IL16: variants seen among roughly 807,000 people sequenced by gnomAD.
The protein encoded by IL16 is interleukin 16.
IL16 carries 67 observed loss-of-function variants against 110.1 expected under a neutral mutation model. That is an observed-to-expected ratio of 0.61 (90% CI 0.50 to 0.75). IL16 has a LOEUF of 0.75. Among genes scored for constraint, IL16 ranks in the 30% least tolerant of loss-of-function variants. The pLI is 0.00. For synonymous variants in IL16, 689 were observed against 662.9 expected (o/e 1.04, Z -0.61); for missense variants, 1,545 against 1,655.0 (o/e 0.93, Z 1.15).
chr15:81,294,784 G>A (rs1350821878), intron 12 of IL16, among the ~76,000 whole-genome samples: 2 of 152,112 alleles, frequency 1.3e-5, no homozygotes, highest in East Asian at 3.9e-4. Context: ...CACAGAGAAA[G>A]GATCATAGCA....
intron 2 of IL16, among the ~76,000 whole-genome samples, chr15:81,242,565 G>A (rs1897373508): frequency 6.6e-6 from 1 of 152,142 alleles, no homozygotes; most frequent in South Asian, 2.1e-4. Flanking sequence ...AAATACAATT[G>A]ATTTTTGTAA....
chr15:81,222,200 C>G (rs986902292), intron 1 of IL16, among the ~76,000 whole-genome samples: 5 of 152,048 alleles, frequency 3.3e-5, no homozygotes, highest in African/African-American at 1.2e-4. Flanking sequence ...ATACCAGAAT[C>G]TGACACTGGA....
intron 1 of IL16, among the ~76,000 whole-genome samples, chr15:81,223,624 C>T (rs1896691973): frequency 6.6e-6 from 1 of 152,146 alleles, no homozygotes. Flanking sequence ...TGGAGGCTAC[C>T]ACAGAGTTTA....
In IL16 at chr15:81,278,881, G is replaced by T. The variant is rs376407635; in HGVS notation, c.855G>T (p.Gln285His). 1 of 1,611,378 alleles carries T rather than the reference G, an allele frequency of 6.2e-7. No homozygotes were observed. Among genetic ancestry groups the T allele is most frequent in the African/African-American group, 1.3e-5 (1 of 74,866 alleles). ...GACTAACACATCAGGATGCTTTGCA[G>T]AAGTTCAAGGTGACCATTTCTTATC... ...MAGLTHQDAL[Q>H]KFKQAKKGLL... The change falls in exon 7 of 19, where the codon CAG becomes CAT. Residue 285 changes from glutamine to histidine, a missense_variant. By Grantham distance (24) the Gln-to-His change is conservative. This residue lies in a region of IL16 where 1,185 missense variants were observed against 1,238.8 expected (regional missense o/e 0.96). Transcript: ENST00000683961.
chr15:81,218,933 ATTT>A (rs200878535), intron 1 of IL16, among the ~76,000 whole-genome samples: 5 of 147,912 alleles, frequency 3.4e-5, no homozygotes, highest in Admixed American at 1.3e-4. Flanking sequence ...TTGAGTAACA[ATTT>A]TTTTTTTTTT....
At chr15:81,187,832 G>A (rs1326175100) in intron 1 of IL16, among the ~76,000 whole-genome samples, 1 of 152,216 alleles carries the variant, frequency 6.6e-6, no homozygotes, top group South Asian at 2.1e-4. Flanking sequence ...TTTGGCTGGG[G>A]GTTCTGGGAT....
chr15:81,261,711 A>G (rs1898164468), intron 3 of IL16, among the ~76,000 whole-genome samples: 1 of 151,926 alleles, frequency 6.6e-6, no homozygotes, highest in African/African-American at 2.4e-5. Flanking sequence ...CAGAATCCCA[A>G]CTGAGTGTGC....
chr15:81,228,250 T>A (rs1896853695), intron 2 of IL16, among the ~76,000 whole-genome samples: 1 of 151,594 alleles, frequency 6.6e-6, no homozygotes, highest in African/African-American at 2.4e-5. Flanking sequence ...GGAGTGGGCA[T>A]GGGGAGGGAC....
At chr15:81,306,684 A>C in intron 18 of IL16, 139 bp downstream of exon 18, 1 of 1,058,884 alleles carries the variant, frequency 9.4e-7, no homozygotes, top group Non-Finnish European at 1.5e-6. Context: ...TGGTCCTTTT[A>C]GGGCTCAATT....
At chr15:81,286,929 GC>G (rs1899478645) in intron 10 of IL16, among the ~76,000 whole-genome samples, 2 of 152,200 alleles carry the variant, frequency 1.3e-5, no homozygotes, top group Non-Finnish European at 2.9e-5. Context: ...GAGAATAAGA[GC>G]CAAGTGAAAG....
chr15:81,234,718 T>G (rs1360173439), intron 2 of IL16, among the ~76,000 whole-genome samples: 1 of 152,236 alleles, frequency 6.6e-6, no homozygotes, highest in Non-Finnish European at 1.5e-5. Context: ...TAAGATCACT[T>G]CCTTTCTGCC....
rs764566221 is a variant in IL16, at chr15:81,285,754, A to G, written c.1256A>G (p.Asn419Ser). The change falls in exon 10 of 19, where the codon AAT (asparagine) becomes AGT (serine). Residue 419 changes from asparagine (N) to serine (S), a missense_variant. Around this residue, in one of 3 missense-constraint regions of IL16, gnomAD observed 1,185 missense variants for 1,238.8 expected, o/e 0.96. Transcript: ENST00000683961. ...SDSPVHCLTL[N>S]EVYTILSHCD... ...TCCCCTGTGCACTGCCTGACGCTCA[A>G]TGAAGTCTACACGATCCTGAGTCAC... The G allele has an allele frequency of 2.2e-5, 35 of 1,613,982 alleles. No individual in the cohort carries two copies. In the South Asian group the frequency reaches 3.5e-4, roughly 16 times the overall value.
At chr15:81,260,143 A>G (rs1287316982) in intron 3 of IL16, among the ~76,000 whole-genome samples, 1 of 152,198 alleles carries the variant, frequency 6.6e-6, no homozygotes. Context: ...GTGTCTCCTA[A>G]CATGCTCCTT....
intron 6 of IL16, 40 bp downstream of exon 6, chr15:81,273,244 C>A: frequency 1.4e-6 from 2 of 1,416,784 alleles, no homozygotes; most frequent in South Asian, 1.3e-5. Flanking sequence ...GTGGAGGAAT[C>A]AGAAGCAGAA....
chr15:81,299,243 C>T (rs1308932136), intron 13 of IL16, 137 bp from the exon 14 acceptor site: 1 of 1,471,994 alleles, frequency 6.8e-7, no homozygotes. Context: ...CTGGAGTTCA[C>T]CCACCTGGGT....
At position 81,225,489 on chromosome 15, in the gene IL16, C is replaced by A. The variant is rs1896757451; in HGVS notation, c.90C>A (p.Thr30=). ...CCCTGATGCTCTGTAATGCTAAGACCAGTGATGATGGCTCTAGCCCTGATG... is the reference window on the plus strand; with the variant it reads ...CCCTGATGCTCTGTAATGCTAAGACAAGTGATGATGGCTCTAGCCCTGATG... ...SRSLMLCNAK[T]SDDGSSPDEK... Residue 30 remains threonine, a synonymous_variant, in exon 2 of 19, where the codon ACC becomes ACA. Transcript: ENST00000683961. 2 of 1,613,956 alleles carry A rather than the reference C, an allele frequency of 1.2e-6. No homozygotes were observed. Among genetic ancestry groups the A allele is most frequent in the African/African-American group, 1.3e-5 (1 of 74,892 alleles).
rs1900927115 is a variant in IL16 at position 81,312,707 on chromosome 15, C to T, written c.*3909C>T. 1 of 152,244 alleles carries T rather than the reference C, an allele frequency of 6.6e-6. No individual in the cohort carries two copies. Among genetic ancestry groups the T allele is most frequent in the Admixed American group, 6.5e-5 (1 of 15,284 alleles). The allele number at this position is 152,244 out of a possible 1,614,324, so 9.4% of individuals were successfully genotyped here. A position where few individuals can be genotyped will look rare whatever the true frequency, so the allele number is the denominator to read the frequency against. On this transcript the variant is annotated 3_prime_UTR_variant, in exon 19 of 19. Coordinates refer to ENST00000683961, the MANE Select transcript of IL16 (RefSeq NM_172217.5). ...TTATCCTGTTTTTAAACCATTATTTCCAAGTTGACACCTTTTTTAAGGAAA... is the reference window on the plus strand; with the variant it reads ...TTATCCTGTTTTTAAACCATTATTTTCAAGTTGACACCTTTTTTAAGGAAA...
At chr15:81,200,741 G>A (rs141755543) in intron 1 of IL16, among the ~76,000 whole-genome samples, 15 of 152,154 alleles carry the variant, frequency 9.9e-5, no homozygotes, top group Non-Finnish European at 1.8e-4. Context: ...TGGTGAAAAT[G>A]TGTCAGGAGA....
At chr15:81,210,411 G>C (rs1310957544) in intron 1 of IL16, among the ~76,000 whole-genome samples, 1 of 152,190 alleles carries the variant, frequency 6.6e-6, no homozygotes, top group Non-Finnish European at 1.5e-5. Flanking sequence ...GACACTGGTA[G>C]TTTGATAGGA....
Sources: gnomAD v4.1 joint callset for allele counts (sites outside exome capture counted in the v4.1 genomes callset) on GRCh38, gnomAD v4.1.1 for gene constraint, gnomAD v4.1.1 regional missense constraint, MANE v1.5 for transcripts, NCBI Gene and HGNC (gene_info 2026-07-23, HGNC 2026-07-21) for gene names.